SIPA1L1: variants seen among roughly 807,000 people sequenced by gnomAD.
SIPA1L1 encodes the protein signal induced proliferation associated 1 like 1, also known as signal-induced proliferation-associated 1-like protein 1.
Under a neutral mutation model 162.7 loss-of-function variants are expected in SIPA1L1, and 26 were observed. The observed-to-expected ratio is 0.16, with a 90% CI of 0.12 to 0.22. The LOEUF is 0.22. Ranked by LOEUF, SIPA1L1 falls within the 10% of genes least tolerant of loss-of-function variation. The pLI, the probability that SIPA1L1 is intolerant of heterozygous loss-of-function variation, is 1.00. For synonymous variants in SIPA1L1, 829 were observed against 837.4 expected, an observed-to-expected ratio of 0.99 and a Z score of 0.17; for missense variants, 1,874 against 2,241.0, an observed-to-expected ratio of 0.84 and a Z score of 3.31.
intron 2 of SIPA1L1, among the ~76,000 whole-genome samples, chr14:71,385,451 G>T (rs942176595): frequency 6.6e-6 from 1 of 152,150 alleles, no homozygotes; most frequent in Admixed American, 6.5e-5. Context: ...GCTCCTCGAG[G>T]ATAGGGACTT....
chr14:71,556,826 A>C (rs2056396543), intron 4 of SIPA1L1, among the ~76,000 whole-genome samples: 1 of 152,078 alleles, frequency 6.6e-6, no homozygotes, highest in South Asian at 2.1e-4. Flanking sequence ...GACAAAAAGC[A>C]CATTATCTAA....
At chr14:71,453,974 G>A (rs1418869640) in intron 2 of SIPA1L1, among the ~76,000 whole-genome samples, 2 of 133,822 alleles carry the variant, frequency 1.5e-5, no homozygotes, top group Non-Finnish European at 3.1e-5. Flanking sequence ...CCTCCAGCCT[G>A]GGTGACAGGG....
intron 10 of SIPA1L1, among the ~76,000 whole-genome samples, chr14:71,666,945 A>G (rs2044071322): frequency 6.6e-6 from 1 of 152,122 alleles, no homozygotes; most frequent in Non-Finnish European, 1.5e-5. Flanking sequence ...CAAGTGATAG[A>G]AATTTCTTTC....
At chr14:71,681,103 T>C (rs1212900085) in intron 12 of SIPA1L1, among the ~76,000 whole-genome samples, 2 of 152,220 alleles carry the variant, frequency 1.3e-5, no homozygotes, top group African/African-American at 4.8e-5. Flanking sequence ...AGAAGTTCAG[T>C]TGCTGCCCAA....
At chr14:71,634,949 T>A (rs1376017951) in intron 7 of SIPA1L1, among the ~76,000 whole-genome samples, 7 of 126,296 alleles carry the variant, frequency 5.5e-5, no homozygotes, top group Non-Finnish European at 8.5e-5. Flanking sequence ...AAAAAAAAAA[T>A]AGCTAAGTTA....
At chr14:71,690,761 A>G (rs1265292417) in intron 13 of SIPA1L1, among the ~76,000 whole-genome samples, 2 of 152,248 alleles carry the variant, frequency 1.3e-5, no homozygotes, top group South Asian at 2.1e-4. Context: ...ACACTGTGCA[A>G]TTCTTCTAGA....
chr14:71,360,306 AAGATGAT>A (rs1468714710), intron 2 of SIPA1L1, among the ~76,000 whole-genome samples: 1 of 152,242 alleles, frequency 6.6e-6, no homozygotes, highest in Non-Finnish European at 1.5e-5. Context: ...AGTGACAATA[AAGATGAT>A]AGATAATGTC....
At chr14:71,505,190 A>G (rs866408221) in intron 2 of SIPA1L1, among the ~76,000 whole-genome samples, 2 of 152,118 alleles carry the variant, frequency 1.3e-5, no homozygotes, top group African/African-American at 4.8e-5. Flanking sequence ...GTGATCAACA[A>G]TTTATTTCCC....
At chr14:71,647,600 C>G (rs1015829037) in intron 7 of SIPA1L1, among the ~76,000 whole-genome samples, 5 of 152,106 alleles carry the variant, frequency 3.3e-5, no homozygotes, top group African/African-American at 9.7e-5. Flanking sequence ...TAACTTAAAG[C>G]CCCTTCCTGT....
intron 2 of SIPA1L1, chr14:71,418,338 A>G (rs921519947): frequency 1.3e-5 from 2 of 152,172 alleles, no homozygotes; most frequent in African/African-American, 4.8e-5. Flanking sequence ...CATGTTGCCC[A>G]CTTTCTTGAC....
chr14:71,329,527 A>G (rs769307968), intron 2 of SIPA1L1, among the ~76,000 whole-genome samples: 1 of 150,438 alleles, frequency 6.6e-6, no homozygotes, highest in East Asian at 1.9e-4. Flanking sequence ...TGCAACGTCC[A>G]CCTCCCGGGC....
At chr14:71,477,398 C>T (rs920397242) in intron 2 of SIPA1L1, among the ~76,000 whole-genome samples, 2 of 152,012 alleles carry the variant, frequency 1.3e-5, no homozygotes, top group Non-Finnish European at 2.9e-5. Context: ...AAAACAAAAA[C>T]GCGGGTGTCA....
At chr14:71,594,281 GT>G (rs1327122677) in intron 5 of SIPA1L1, among the ~76,000 whole-genome samples, 1 of 152,136 alleles carries the variant, frequency 6.6e-6, no homozygotes, top group Non-Finnish European at 1.5e-5. Flanking sequence ...ATCAAGAGCT[GT>G]TTTTCAAGTT....
intron 2 of SIPA1L1, among the ~76,000 whole-genome samples, chr14:71,392,803 C>T (rs915559367): frequency 7.2e-5 from 11 of 152,282 alleles, no homozygotes; most frequent in African/African-American, 1.9e-4. Context: ...AAAGTGCAGG[C>T]GTGAGCCACC....
intron 3 of SIPA1L1, among the ~76,000 whole-genome samples, chr14:71,517,232 A>G (rs774984786): frequency 5.3e-5 from 8 of 152,192 alleles, no homozygotes; most frequent in African/African-American, 1.2e-4. Context: ...AATACCTAGT[A>G]CAAAACTTTT....
chr14:71,416,466 C>A (rs544212437), intron 2 of SIPA1L1, among the ~76,000 whole-genome samples: 1 of 152,044 alleles, frequency 6.6e-6, no homozygotes, highest in African/African-American at 2.4e-5. Flanking sequence ...GAAATATCTT[C>A]TTTTAATAGA....
chr14:71,535,790 A>G (rs780281954), intron 4 of SIPA1L1, among the ~76,000 whole-genome samples: 6 of 151,506 alleles, frequency 4.0e-5, no homozygotes, highest in Non-Finnish European at 8.8e-5. Context: ...TTTTTTTTTT[A>G]GTAGACAAGG....
chr14:71,415,455 A>G (rs979451644), intron 2 of SIPA1L1, among the ~76,000 whole-genome samples: 3 of 152,194 alleles, frequency 2.0e-5, no homozygotes, highest in African/African-American at 7.2e-5. Context: ...CTTTGAAAAC[A>G]TAACATCTTT....
intron 4 of SIPA1L1, among the ~76,000 whole-genome samples, chr14:71,546,627 C>T (rs72729931): frequency 1.5e-3 from 225 of 152,180 alleles, no homozygotes; most frequent in Admixed American, 3.5e-3. Flanking sequence ...AGTTATCTAC[C>T]GTGCCCGGCC....
Sources: allele counts gnomAD v4.1 joint callset (sites outside exome capture counted in the v4.1 genomes callset), GRCh38; gene constraint gnomAD v4.1.1; transcripts MANE v1.5; gene names NCBI Gene and HGNC (gene_info 2026-07-23, HGNC 2026-07-21).